Variants in DOK5 observed in about 807,000 individuals in gnomAD.
DOK5 encodes downstream of tyrosine kinase 5.
In DOK5, 27 loss-of-function variants were observed where a neutral mutation model predicts 43.3. The ratio of observed to expected loss-of-function variants is 0.62; its 90% CI spans 0.46 to 0.86. The LOEUF is 0.86. DOK5 is among the 40% of genes least tolerant of loss of function. The pLI, the probability that DOK5 is intolerant of heterozygous loss-of-function variation, is 0.00. For synonymous variants in DOK5, 146 were observed against 140.1 expected (o/e 1.04, Z -0.30); for missense variants, 373 against 392.9 (o/e 0.95, Z 0.43).
At chr20:54,556,519 C>A (rs1277354655) in intron 2 of DOK5, among the ~76,000 whole-genome samples, 1 of 152,190 alleles carries the variant, frequency 6.6e-6, no homozygotes. Context: ...CATTTTGAAC[C>A]AGATGTATTA....
At position 54,588,712 on chromosome 20, in the gene DOK5, A is replaced by AGTACTCCAGATGGAGTGT; in HGVS notation, c.319_336dup (p.Leu107_Val112dup). The AGTACTCCAGATGGAGTGT allele has an allele frequency of 6.2e-7, 1 of 1,614,126 alleles. No individual in the cohort carries two copies. The highest frequency in any genetic ancestry group is 8.5e-7 in the Non-Finnish European group (1 of 1,180,000). On this transcript the variant is annotated inframe_insertion, in exon 4 of 8. Transcript: ENST00000262593. ...ATCTTGAGGCTGATGAGTGGTGCAA[A>AGTACTCCAGATGGAGTGT]GTACTCCAGATGGAGTGTGTAGGAA...
At chr20:54,503,711 A>G (rs527548520) in intron 1 of DOK5, among the ~76,000 whole-genome samples, 1 of 152,178 alleles carries the variant, frequency 6.6e-6, no homozygotes, top group Non-Finnish European at 1.5e-5. Context: ...AAGATATTTA[A>G]TTAGAGGTTT....
intron 1 of DOK5, among the ~76,000 whole-genome samples, chr20:54,546,253 C>T (rs914156661): frequency 5.3e-5 from 8 of 152,110 alleles, no homozygotes; most frequent in African/African-American, 1.7e-4. Context: ...TTCCACAGTG[C>T]GCAGAAAAAG....
chr20:54,561,531 C>T (rs148817392), intron 2 of DOK5, among the ~76,000 whole-genome samples: 2 of 152,364 alleles, frequency 1.3e-5, no homozygotes, highest in Non-Finnish European at 2.9e-5. Context: ...ACAGGTGAAG[C>T]CTGGAACTGG....
chr20:54,508,823 G>A (rs1600669897), intron 1 of DOK5, among the ~76,000 whole-genome samples: 1 of 151,160 alleles, frequency 6.6e-6, no homozygotes, highest in African/African-American at 2.4e-5. Flanking sequence ...CAGGTGATCT[G>A]CACCCCTTGG....
intron 6 of DOK5, among the ~76,000 whole-genome samples, chr20:54,637,940 G>C (rs999540711): frequency 6.6e-6 from 1 of 152,108 alleles, no homozygotes; most frequent in East Asian, 1.9e-4. Context: ...GGCTAACACG[G>C]TGAAACCCCG....
chr20:54,495,885 GAA>G (rs200199309), intron 1 of DOK5, among the ~76,000 whole-genome samples: 1 of 149,790 alleles, frequency 6.7e-6, no homozygotes, highest in African/African-American at 2.4e-5. Context: ...CCATCTCAAA[GAA>G]AAAAAAAATT....
At chr20:54,579,668 G>A (rs1985573209) in intron 2 of DOK5, among the ~76,000 whole-genome samples, 2 of 152,008 alleles carry the variant, frequency 1.3e-5, no homozygotes, top group African/African-American at 4.8e-5. Context: ...TTGTCCTTTC[G>A]TGATTGTCTT....
rs150865457 is a variant in DOK5 at position 54,591,838 on chromosome 20, T to C, written c.599+33T>C. ...TAATGACTTTTAATGACTATTTTTC[T>C]GTTTGTGTGTGTGTGTGTTCATTTT... On this transcript the variant is annotated intron_variant, in intron 5 of 7. Coordinates refer to ENST00000262593, the MANE Select transcript of DOK5 (RefSeq NM_018431.5). 6.6e-4 allele frequency: 1,044 copies of C among 1,581,368 alleles called. 8 individuals carry two copies. In the African/African-American group the frequency reaches 0.013, roughly 20 times the overall value.
Position 54,650,806 on chromosome 20 carries a change from T to C in DOK5, c.*327T>C, listed in dbSNP as rs150414359. The stretch of plus-strand genomic sequence containing the variant: ...TTGCACTTCTCTGAATCTGTCCTTT[T>C]GTGGATTCTTGTGATTTTCCTTCCA... On this transcript the variant is annotated 3_prime_UTR_variant, in exon 8 of 8. Coordinates refer to ENST00000262593, the MANE Select transcript of DOK5 (RefSeq NM_018431.5). 650 of 198,052 alleles carry C rather than the reference T, an allele frequency of 3.3e-3. 5 individuals carry two copies. Among genetic ancestry groups the C allele is most frequent in the African/African-American group, 0.014 (607 of 43,170 alleles). 12.3% of individuals were successfully genotyped at this position (198,052 alleles called of 1,614,324 possible). A position where few individuals can be genotyped will look rare whatever the true frequency, so the allele number is the denominator to read the frequency against.
At chr20:54,602,526 G>T (rs1986328310) in intron 5 of DOK5, among the ~76,000 whole-genome samples, 1 of 152,102 alleles carries the variant, frequency 6.6e-6, no homozygotes, top group East Asian at 1.9e-4. Flanking sequence ...GATCTTTTTG[G>T]TTGAATAATG....
At chr20:54,486,588 C>T (rs953388572) in intron 1 of DOK5, among the ~76,000 whole-genome samples, 9 of 151,622 alleles carry the variant, frequency 5.9e-5, no homozygotes, top group South Asian at 2.1e-4. Context: ...CACACACACA[C>T]GATTTAATTG....
intron 1 of DOK5, among the ~76,000 whole-genome samples, chr20:54,487,283 G>A (rs1164319390): frequency 6.6e-6 from 1 of 152,160 alleles, no homozygotes; most frequent in Non-Finnish European, 1.5e-5. Context: ...TTTTCCTAGA[G>A]AGGACCATCC....
chr20:54,515,525 G>A (rs1001951781), intron 1 of DOK5, among the ~76,000 whole-genome samples: 3 of 152,198 alleles, frequency 2.0e-5, no homozygotes, highest in African/African-American at 2.4e-5. Context: ...AGCCAAGGAC[G>A]TAGATATCTC....
At chr20:54,605,965 G>A (rs571628289) in intron 5 of DOK5, among the ~76,000 whole-genome samples, 2 of 152,344 alleles carry the variant, frequency 1.3e-5, no homozygotes, top group South Asian at 4.1e-4. Flanking sequence ...GATTTAGGCA[G>A]GTTAGATAGC....
chr20:54,573,089 G>A (rs917713745), intron 2 of DOK5, among the ~76,000 whole-genome samples: 1 of 152,216 alleles, frequency 6.6e-6, no homozygotes, highest in Admixed American at 6.5e-5. Context: ...GAGTATTGGT[G>A]TTACTGATAA....
Position 54,643,589 on chromosome 20 carries a change from G to C in DOK5, c.856+11G>C. On this transcript the variant is annotated intron_variant, in intron 7 of 7. Coordinates refer to ENST00000262593, the MANE Select transcript of DOK5 (RefSeq NM_018431.5). ...TCTACCGCTTGCAAGGTAAGCGTGG[G>C]GCTACCTGTGTCCAGGGTGTGGGCC... 1 of 1,610,390 alleles carries C rather than the reference G, an allele frequency of 6.2e-7. No individual in the cohort carries two copies. The highest frequency in any genetic ancestry group is 8.5e-7 in the Non-Finnish European group (1 of 1,179,290).
chr20:54,616,048 A>G (rs991298081), intron 6 of DOK5, among the ~76,000 whole-genome samples: 1 of 152,180 alleles, frequency 6.6e-6, no homozygotes, highest in Non-Finnish European at 1.5e-5. Flanking sequence ...GTTTTATGCC[A>G]CCACTTGCTG....
rs768379251 is a variant in DOK5, at chr20:54,616,770, CT to C, written c.735+6260del. Among the ~76,000 whole-genome samples, 95 of 120,630 alleles carry C rather than the reference CT, an allele frequency of 7.9e-4. 1 individual carries two copies. The East Asian group carries it at 0.014, about 18-fold the overall frequency. 79.1% of individuals were successfully genotyped at this position (120,630 alleles called of 152,430 possible). ...GTAAAAGTGGGGAAGGATCCACTTT[CT>C]TTTTTTTTTTTTCTTTTTTTTTTTT... On this transcript the variant is annotated intron_variant, in intron 6 of 7. Coordinates refer to ENST00000262593, the MANE Select transcript of DOK5 (RefSeq NM_018431.5).
Sources: allele counts gnomAD v4.1 joint callset (sites outside exome capture counted in the v4.1 genomes callset), GRCh38; gene constraint gnomAD v4.1.1; transcripts MANE v1.5; gene names NCBI Gene and HGNC (gene_info 2026-07-23, HGNC 2026-07-21).